The following PCDH11Y variants were observed in gnomAD, a reference collection of about 807,000 sequenced individuals.
PCDH11Y encodes protocadherin 11 Y-linked.
For synonymous variants in PCDH11Y, 9 were observed against 83.6 expected (o/e 0.11, Z 4.87); for missense variants, 12 against 224.8 (o/e 0.05, Z 6.05).
chrY:5,207,519 A>T, intron 2 of PCDH11Y: 1 of 348,057 alleles, frequency 2.9e-6, no homozygotes, highest in Non-Finnish European at 4.2e-6. Context: ...CGTCATTCAC[A>T]TTAGTGTGAA....
chrY:5,121,466 C>T, intron 2 of PCDH11Y, among the ~76,000 whole-genome samples: 1 of 31,843 alleles, frequency 3.1e-5, no homozygotes, highest in Non-Finnish European at 7.6e-5. Flanking sequence ...TTATTCTAGC[C>T]GTGCTGGCAG....
intron 3 of PCDH11Y, among the ~76,000 whole-genome samples, chrY:5,522,281 G>A (rs2053382260): frequency 3.0e-5 from 1 of 33,607 alleles, no homozygotes; most frequent in Non-Finnish European, 7.4e-5. Flanking sequence ...ATTATATTTA[G>A]AATGATACAA....
At chrY:5,555,701 C>T (rs2053422725) in intron 3 of PCDH11Y, among the ~76,000 whole-genome samples, 1 of 32,253 alleles carries the variant, frequency 3.1e-5, no homozygotes, top group Admixed American at 2.8e-4. Flanking sequence ...GCTTCCCCAG[C>T]CATATGGAAC....
At chrY:5,457,525 T>C in intron 2 of PCDH11Y, among the ~76,000 whole-genome samples, 1 of 33,239 alleles carries the variant, frequency 3.0e-5, no homozygotes, top group African/African-American at 1.2e-4. Flanking sequence ...TACCCTGTGA[T>C]ATGGTGGATA....
chrY:5,326,432 C>T, intron 2 of PCDH11Y, among the ~76,000 whole-genome samples: 1 of 32,304 alleles, frequency 3.1e-5, no homozygotes, highest in African/African-American at 1.2e-4. Context: ...GGATAGATTT[C>T]CATGATGGAA....
intron 2 of PCDH11Y, among the ~76,000 whole-genome samples, chrY:5,306,392 G>T: frequency 6.2e-5 from 2 of 32,508 alleles, no homozygotes; most frequent in Admixed American, 5.7e-4. Flanking sequence ...TGATCTCAAG[G>T]CATGATGATT....
intron 2 of PCDH11Y, among the ~76,000 whole-genome samples, chrY:5,367,215 C>T (rs2053181110): frequency 3.0e-5 from 1 of 32,822 alleles, no homozygotes; most frequent in Non-Finnish European, 7.5e-5. Flanking sequence ...CATGCACACA[C>T]ACACATACAG....
intron 2 of PCDH11Y, among the ~76,000 whole-genome samples, chrY:5,249,849 G>GA (rs2053002078): frequency 3.3e-5 from 1 of 30,427 alleles, no homozygotes; most frequent in African/African-American, 1.3e-4. Context: ...AAATTTACAA[G>GA]AAAAAAACCA....
At chrY:5,380,747 C>T in intron 2 of PCDH11Y, among the ~76,000 whole-genome samples, 2 of 31,478 alleles carry the variant, frequency 6.4e-5, no homozygotes, top group Non-Finnish European at 1.5e-4. Context: ...CCACCGCGCC[C>T]GGCTAATTTT....
At chrY:5,559,829 G>A in intron 3 of PCDH11Y, among the ~76,000 whole-genome samples, 1 of 33,117 alleles carries the variant, frequency 3.0e-5, no homozygotes, top group Non-Finnish European at 7.4e-5. Flanking sequence ...ATGTCTTTAT[G>A]AGCAGCATGA....
chrY:5,454,871 C>T, intron 2 of PCDH11Y, among the ~76,000 whole-genome samples: 2 of 33,691 alleles, frequency 5.9e-5, no homozygotes, highest in South Asian at 6.6e-4. Flanking sequence ...CCTCAAAGGT[C>T]GCTGAAATGC....
chrY:5,721,478 C>T (rs2053594595), intron 4 of PCDH11Y, among the ~76,000 whole-genome samples: 1 of 34,219 alleles, frequency 2.9e-5, no homozygotes, highest in East Asian at 7.8e-4. Context: ...AAAGACTACC[C>T]CTGCAAAGGG....
chrY:5,687,801 C>T, intron 4 of PCDH11Y, among the ~76,000 whole-genome samples: 1 of 32,291 alleles, frequency 3.1e-5, no homozygotes, highest in Non-Finnish European at 7.5e-5. Flanking sequence ...TATATTGATA[C>T]TTAAGTATCA....
At chrY:5,709,633 C>T in intron 4 of PCDH11Y, among the ~76,000 whole-genome samples, 3 of 32,306 alleles carry the variant, frequency 9.3e-5, no homozygotes, top group Admixed American at 2.8e-4. Flanking sequence ...ATCACCTCCA[C>T]CCTTCCCCTG....
chrY:5,224,634 C>T, intron 2 of PCDH11Y, among the ~76,000 whole-genome samples: 3 of 32,456 alleles, frequency 9.2e-5, no homozygotes, highest in Admixed American at 8.5e-4. Context: ...AAGAAAGTAA[C>T]GATTATATAT....
At chrY:5,063,707 G>A in intron 1 of PCDH11Y, among the ~76,000 whole-genome samples, 3 of 32,589 alleles carry the variant, frequency 9.2e-5, no homozygotes, top group Admixed American at 8.8e-4. Context: ...GATGTCACTG[G>A]AGGAAGGAAA....
chrY:5,316,157 G>C, intron 2 of PCDH11Y, among the ~76,000 whole-genome samples: 1 of 33,128 alleles, frequency 3.0e-5, no homozygotes, highest in Non-Finnish European at 7.4e-5. Flanking sequence ...GGAAGACATG[G>C]GACATTAATC....
chrY:5,722,600 T>C (rs2053595694), intron 4 of PCDH11Y, among the ~76,000 whole-genome samples: 1 of 29,554 alleles, frequency 3.4e-5, no homozygotes, highest in African/African-American at 1.3e-4. Context: ...AATAAGAAAA[T>C]TTTGGAGGGA....
chrY:5,195,986 G>A (rs2124649025), intron 2 of PCDH11Y, among the ~76,000 whole-genome samples: 1 of 30,473 alleles, frequency 3.3e-5, no homozygotes, highest in South Asian at 8.0e-4. Flanking sequence ...TATATCAGTT[G>A]CATAGACAAT....
Sources: gnomAD v4.1 joint callset for allele counts (sites outside exome capture counted in the v4.1 genomes callset) on GRCh38, gnomAD v4.1.1 for gene constraint, MANE v1.5 for transcripts, NCBI Gene and HGNC (gene_info 2026-07-23, HGNC 2026-07-21) for gene names.